LGR6: variants seen among roughly 807,000 people sequenced by gnomAD.
The protein encoded by LGR6 is leucine-rich repeat-containing G protein-coupled receptor 6.
Under a neutral mutation model 69.4 loss-of-function variants are expected in LGR6, and 45 were observed. That is an observed-to-expected ratio of 0.65 (90% CI 0.51 to 0.83). The LOEUF is 0.83. Ranked by LOEUF, LGR6 falls within the 40% of genes least tolerant of loss-of-function variation. The pLI, the probability that LGR6 is intolerant of heterozygous loss-of-function variation, is 0.00. For missense variants in LGR6, 1,108 were observed against 1,246.7 expected, an observed-to-expected ratio of 0.89 and a Z score of 1.68; for synonymous variants, 538 against 555.0, an observed-to-expected ratio of 0.97 and a Z score of 0.43.
intron 1 of LGR6, among the ~76,000 whole-genome samples, chr1:202,199,061 G>T (rs1266066172): frequency 6.6e-6 from 1 of 152,110 alleles, no homozygotes; most frequent in Non-Finnish European, 1.5e-5. Context: ...AACTTCTCTG[G>T]ACCTCAATGT....
At chr1:202,284,498 A>G (rs1158337998) in intron 6 of LGR6, among the ~76,000 whole-genome samples, 1 of 152,196 alleles carries the variant, frequency 6.6e-6, no homozygotes, top group East Asian at 1.9e-4. Flanking sequence ...GCTTTGTAAT[A>G]CGTTGCTTCA....
rs1482222390 is a variant in LGR6, at chr1:202,318,277, G to T, written c.1974G>T (p.Leu658=). The change falls in exon 18 of 18, where the codon CTG becomes CTT. Residue 658 remains leucine (L), a synonymous_variant. Transcript: ENST00000367278. ...LAVLGSEASV[L]LLTLAAVQCS... is the part of the protein sequence containing the mutation. ...TACTTGGGTCGGAGGCATCGGTGCT[G>T]CTGCTCACTCTGGCCGCAGTGCAGT... 1.2e-5 allele frequency: 20 copies of T among 1,604,896 alleles called. No homozygotes were observed. The highest frequency in any genetic ancestry group is 1.7e-5 in the Non-Finnish European group (20 of 1,174,764).
chr1:202,263,162 G>A (rs1664375588), intron 4 of LGR6, among the ~76,000 whole-genome samples: 1 of 151,964 alleles, frequency 6.6e-6, no homozygotes, highest in Admixed American at 6.6e-5. Context: ...TCACTCTGTT[G>A]CCCAGGCTGG....
intron 4 of LGR6, among the ~76,000 whole-genome samples, chr1:202,262,150 G>T (rs1278598713): frequency 1.3e-5 from 2 of 151,834 alleles, no homozygotes; most frequent in African/African-American, 4.8e-5. Context: ...TAGACATGAA[G>T]TCCTTGCCCA....
At position 202,294,077 on chromosome 1, in the gene LGR6, A is replaced by G. The variant is rs1278918358; in HGVS notation, c.717-3431A>G. Among the ~76,000 whole-genome samples the G allele has an allele frequency of 2.0e-5, 3 of 152,298 alleles. No individual in the cohort carries two copies. The East Asian group carries it at 5.8e-4, about 29-fold the overall frequency. ...TGCCTTTTGCAACATCAACCTCAAA[A>G]TCTTAAGGACGTTCCCCCAAATACT... On this transcript the variant is annotated intron_variant, in intron 6 of 17. Transcript: ENST00000367278.
At chr1:202,236,374 T>G in intron 4 of LGR6, 1 of 249,340 alleles carries the variant, frequency 4.0e-6, no homozygotes, top group Non-Finnish European at 7.8e-6. Context: ...CTCCTCTACC[T>G]AGCCTGCTCT....
chr1:202,249,917 T>A (rs1215368379), intron 4 of LGR6, among the ~76,000 whole-genome samples: 2 of 152,192 alleles, frequency 1.3e-5, no homozygotes, highest in East Asian at 3.8e-4. Flanking sequence ...ACGAATGTGA[T>A]CATGTCACTC....
intron 4 of LGR6, among the ~76,000 whole-genome samples, chr1:202,252,610 C>T (rs1294329211): frequency 6.6e-6 from 1 of 152,186 alleles, no homozygotes; most frequent in Non-Finnish European, 1.5e-5. Flanking sequence ...TGGAGAAGAA[C>T]CTGACAAGAA....
intron 1 of LGR6, among the ~76,000 whole-genome samples, chr1:202,202,795 C>T (rs74446027): frequency 0.13 from 19,590 of 152,216 alleles, 1,333 homozygotes; most frequent in Non-Finnish European, 0.15. Flanking sequence ...CCCAGAGGGT[C>T]GGTCCTAGGA....
In LGR6 at chr1:202,307,051, C is replaced by T. The variant is rs998460121; in HGVS notation, c.1208+112C>T. 1.7e-5 allele frequency: 16 copies of T among 915,304 alleles called. No homozygotes were observed. The African/African-American group carries it at 1.8e-4, about 10-fold the overall frequency. 56.7% of individuals were successfully genotyped at this position (915,304 alleles called of 1,614,324 possible). ...ATTTAAGCAAATGTGACATGCACAT[C>T]GCCTCCCAGCTCCACAGCCCCCACC... is the stretch of plus-strand genomic sequence containing the variant. On this transcript the variant is annotated intron_variant, in intron 13 of 17. Transcript: ENST00000367278.
intron 4 of LGR6, among the ~76,000 whole-genome samples, chr1:202,237,165 T>G (rs978379266): frequency 1.1e-4 from 16 of 152,172 alleles, no homozygotes; most frequent in African/African-American, 3.9e-4. Context: ...CCTGCCTCCC[T>G]GCACTCTCTC....
At chr1:202,205,031 CCTT>C (rs1571807982) in intron 1 of LGR6, among the ~76,000 whole-genome samples, 2 of 48,026 alleles carry the variant, frequency 4.2e-5, no homozygotes, top group Non-Finnish European at 9.5e-5. Flanking sequence ...TCACACACCT[CCTT>C]CAAACACACA....
At chr1:202,273,412 C>T (rs1461597799) in intron 4 of LGR6, among the ~76,000 whole-genome samples, 22 of 151,952 alleles carry the variant, frequency 1.4e-4, no homozygotes, top group Admixed American at 1.4e-3. Flanking sequence ...CTCCCTGGCC[C>T]CACATCCAGT....
At chr1:202,231,156 C>T (rs4950837) in intron 3 of LGR6, among the ~76,000 whole-genome samples, 46,000 of 152,132 alleles carry the variant, frequency 0.3, 7,906 homozygotes, top group Non-Finnish European at 0.39. Flanking sequence ...GGACCCATCC[C>T]GGAGGAAATC....
At position 202,318,879 on chromosome 1, in the gene LGR6, T is replaced by A. The variant is rs1186533262; in HGVS notation, c.2576T>A (p.Leu859Gln). Residue 859 changes from leucine to glutamine, a missense_variant, in exon 18 of 18, where the codon CTG becomes CAG. Coordinates refer to ENST00000367278, the MANE Select transcript of LGR6 (RefSeq NM_001017403.2). ...GPLAYAAAGE[L>Q]EKSSCDSTQA... is the part of the protein sequence containing the mutation. The stretch of plus-strand genomic sequence containing the variant: ...CTAGCCTATGCTGCGGCCGGGGAGC[T>A]GGAGAAGAGCTCCTGTGATTCTACC... 1 of 1,614,008 alleles carries A rather than the reference T, an allele frequency of 6.2e-7. No homozygotes were observed. Among genetic ancestry groups the A allele is most frequent in the Admixed American group, 1.7e-5 (1 of 59,990 alleles).
chr1:202,218,562 A>C (rs1380586885), intron 1 of LGR6, among the ~76,000 whole-genome samples: 2 of 152,196 alleles, frequency 1.3e-5, no homozygotes, highest in Non-Finnish European at 2.9e-5. Flanking sequence ...CCAAACACTT[A>C]TGAGCAAGGC....
At chr1:202,204,727 T>C (rs144091297) in intron 1 of LGR6, among the ~76,000 whole-genome samples, 245 of 6,080 alleles carry the variant, frequency 0.04, no homozygotes, top group East Asian at 0.054. Flanking sequence ...CACACCTCCT[T>C]CAAACACACA....
intron 4 of LGR6, among the ~76,000 whole-genome samples, chr1:202,252,526 G>A (rs776836444): frequency 6.6e-6 from 1 of 152,186 alleles, no homozygotes; most frequent in Non-Finnish European, 1.5e-5. Context: ...GTGATTAGTG[G>A]CAGGATTGCC....
chr1:202,247,682 A>G (rs75119575), intron 4 of LGR6, among the ~76,000 whole-genome samples: 6,334 of 152,260 alleles, frequency 0.042, 173 homozygotes, highest in Middle Eastern at 0.095. Context: ...ATACCACACA[A>G]AGGGGAAAAG....
Sources: allele counts gnomAD v4.1 joint callset (sites outside exome capture counted in the v4.1 genomes callset), GRCh38; gene constraint gnomAD v4.1.1; transcripts MANE v1.5; gene names NCBI Gene and HGNC (gene_info 2026-07-23, HGNC 2026-07-21).